SMIM31: variants seen among roughly 807,000 people sequenced by gnomAD.
SMIM31 encodes human epithelial cell program regulator.
rs1733282736 is a variant in SMIM31 at position 164,801,446 on chromosome 4, A to G, written c.*252A>G. 2 of 298,432 alleles carry G rather than the reference A, an allele frequency of 6.7e-6. No homozygotes were observed. The allele number at this position is 298,432 out of a possible 1,614,324, so 18.5% of individuals were successfully genotyped here. On this transcript the variant is annotated 3_prime_UTR_variant, in exon 3 of 3. Coordinates refer to ENST00000507311, the MANE Select transcript of SMIM31 (RefSeq NM_001352885.1). ...CTGCAATTGATTATACAAAAAAAAA[A>G]AGACCAAAGTGGTTACAATAATAAA...
chr4:164,780,312 A>G (rs990284447), intron 2 of SMIM31, among the ~76,000 whole-genome samples: 9 of 152,208 alleles, frequency 5.9e-5, no homozygotes, highest in Non-Finnish European at 1.2e-4. Flanking sequence ...CTGTAGTCCC[A>G]GCTACTCGGG....
At chr4:164,757,584 T>C (rs1411439088) in intron 1 of SMIM31, among the ~76,000 whole-genome samples, 3 of 152,168 alleles carry the variant, frequency 2.0e-5, no homozygotes, top group African/African-American at 4.8e-5. Context: ...ATGTTGAATT[T>C]ATTTTTCATA....
intron 1 of SMIM31, among the ~76,000 whole-genome samples, chr4:164,754,915 A>G (rs913214576): frequency 3.3e-5 from 5 of 149,426 alleles, no homozygotes; most frequent in African/African-American, 4.9e-5. Flanking sequence ...AAATGACGGT[A>G]TTTCCTCCTG....
intron 2 of SMIM31, among the ~76,000 whole-genome samples, chr4:164,781,078 G>T (rs1732942912): frequency 6.6e-6 from 1 of 151,558 alleles, no homozygotes; most frequent in Non-Finnish European, 1.5e-5. Flanking sequence ...CAAAGTGCTG[G>T]GATTACAGGT....
intron 2 of SMIM31, among the ~76,000 whole-genome samples, chr4:164,784,467 C>T (rs58488679): frequency 0.017 from 2,550 of 152,166 alleles, 41 homozygotes; most frequent in African/African-American, 0.043. Flanking sequence ...AGAAAACTTT[C>T]TAAAAAGATG....
intron 2 of SMIM31, among the ~76,000 whole-genome samples, chr4:164,777,652 T>C (rs1300055667): frequency 6.6e-6 from 1 of 152,182 alleles, no homozygotes; most frequent in East Asian, 1.9e-4. Context: ...GTAATGATCC[T>C]TCATCAAAGG....
intron 2 of SMIM31, among the ~76,000 whole-genome samples, chr4:164,793,494 A>AT (rs1250711256): frequency 6.6e-6 from 1 of 152,162 alleles, no homozygotes; most frequent in Non-Finnish European, 1.5e-5. Context: ...ATAAAAATTT[A>AT]TTTTTTACAG....
intron 2 of SMIM31, among the ~76,000 whole-genome samples, chr4:164,784,043 C>T (rs964557121): frequency 1.3e-5 from 2 of 152,114 alleles, no homozygotes; most frequent in Non-Finnish European, 2.9e-5. Flanking sequence ...AATAAATTCC[C>T]CTGCTTACAC....
Position 164,802,983 on chromosome 4 carries a change from C to G in SMIM31, c.*1789C>G, listed in dbSNP as rs1422059021. ...TAATTTCTCTGAGCCTTGGTGTTCTCTCTGAAAAAATGAGCATTTTAAAAA... is the reference window on the plus strand; with the variant it reads ...TAATTTCTCTGAGCCTTGGTGTTCTGTCTGAAAAAATGAGCATTTTAAAAA... On this transcript the variant is annotated 3_prime_UTR_variant, in exon 3 of 3. Transcript: ENST00000507311. The G allele has an allele frequency of 6.6e-6, 1 of 152,088 alleles. No individual in the cohort carries two copies. The highest frequency in any genetic ancestry group is 1.5e-5 in the Non-Finnish European group (1 of 68,048). 9.4% of individuals were successfully genotyped at this position (152,088 alleles called of 1,614,324 possible). A position where few individuals can be genotyped will look rare whatever the true frequency, so the allele number is the denominator to read the frequency against.
chr4:164,780,656 CTG>C (rs1732937982), intron 2 of SMIM31, among the ~76,000 whole-genome samples: 1 of 152,184 alleles, frequency 6.6e-6, no homozygotes, highest in African/African-American at 2.4e-5. Context: ...TTATCAAACA[CTG>C]TTTTTATAAT....
intron 2 of SMIM31, among the ~76,000 whole-genome samples, chr4:164,779,173 A>G (rs1732915073): frequency 6.6e-6 from 1 of 152,194 alleles, no homozygotes; most frequent in Non-Finnish European, 1.5e-5. Context: ...GTCTTAGAGA[A>G]TGTCATGAAG....
rs562226309 is a variant in SMIM31 at position 164,755,712 on chromosome 4, T to C, written c.-26+1301T>C. On this transcript the variant is annotated intron_variant, in intron 1 of 2. Transcript: ENST00000507311. ...TGTTATTGATTTGCCTTTTGTCCCA[T>C]GTGATAAAATATAAAAAACACACCC... 9.9e-5 allele frequency among the ~76,000 whole-genome samples: 15 copies of C among 152,136 alleles called. 1 individual carries two copies. The South Asian group carries it at 1.7e-3, about 17-fold the overall frequency.
At chr4:164,759,656 CTTCATTCA>C (rs138287277) in intron 1 of SMIM31, among the ~76,000 whole-genome samples, 50 of 152,134 alleles carry the variant, frequency 3.3e-4, no homozygotes, top group African/African-American at 1.1e-3. Context: ...TTCATTAGAT[CTTCATTCA>C]TTCATTCATT....
At chr4:164,765,654 C>A (rs1357798975) in intron 1 of SMIM31, among the ~76,000 whole-genome samples, 1 of 147,714 alleles carries the variant, frequency 6.8e-6, no homozygotes, top group East Asian at 2.0e-4. Flanking sequence ...GCAGATAAAT[C>A]CAGGAAGCAA....
intron 2 of SMIM31, among the ~76,000 whole-genome samples, chr4:164,791,586 T>A (rs1733101864): frequency 6.6e-6 from 1 of 152,188 alleles, no homozygotes; most frequent in Non-Finnish European, 1.5e-5. Context: ...TCCACTTGCC[T>A]TAGCCTTCCA....
intron 1 of SMIM31, among the ~76,000 whole-genome samples, chr4:164,762,004 G>T (rs1479473229): frequency 1.3e-5 from 2 of 152,078 alleles, no homozygotes; most frequent in Admixed American, 1.3e-4. Context: ...CACTTCCAGA[G>T]CTCCTGCTAG....
rs75185550 is a variant in SMIM31, at chr4:164,783,484, G to A, written c.112+12929G>A. Among the ~76,000 whole-genome samples the A allele has an allele frequency of 3.6e-4, 53 of 146,040 alleles. No homozygotes were observed. The East Asian group carries it at 8.8e-3, about 24-fold the overall frequency. On this transcript the variant is annotated intron_variant, in intron 2 of 2. Transcript: ENST00000507311. The stretch of plus-strand genomic sequence containing the variant: ...GGTTACAGTGAGCCCCTGTTGAGCC[G>A]CTACACTTCAGCCTGGGTGCCAGAG...
chr4:164,780,369 G>A (rs898357145), intron 2 of SMIM31, among the ~76,000 whole-genome samples: 2 of 152,224 alleles, frequency 1.3e-5, no homozygotes, highest in African/African-American at 2.4e-5. Flanking sequence ...GGAGGTTGCA[G>A]TGAGCCGAGA....
intron 1 of SMIM31, among the ~76,000 whole-genome samples, chr4:164,760,900 G>A (rs1426781467): frequency 1.3e-5 from 2 of 152,134 alleles, no homozygotes; most frequent in Admixed American, 6.6e-5. Flanking sequence ...AATAAAGGGG[G>A]TGAGACAAAG....
Sources: allele counts gnomAD v4.1 joint callset (sites outside exome capture counted in the v4.1 genomes callset), GRCh38; gene constraint gnomAD v4.1.1; transcripts MANE v1.5; gene names NCBI Gene and HGNC (gene_info 2026-07-23, HGNC 2026-07-21).